UPF2: variants seen among roughly 807,000 people sequenced by gnomAD.
UPF2 encodes the protein regulator of nonsense transcripts 2.
Under a neutral mutation model 141.4 loss-of-function variants are expected in UPF2, and 17 were observed. The ratio of observed to expected loss-of-function variants is 0.12; its 90% CI spans 0.08 to 0.18. The LOEUF is 0.18. UPF2 is among the 10% of genes least tolerant of loss of function. UPF2 has a pLI of 1.00. For synonymous variants in UPF2, 540 were observed against 498.0 expected (o/e 1.08, Z -1.12); for missense variants, 1,152 against 1,515.9 (o/e 0.76, Z 3.99).
At chr10:11,972,815 G>C (rs1270368914) in intron 9 of UPF2, among the ~76,000 whole-genome samples, 2 of 152,262 alleles carry the variant, frequency 1.3e-5, no homozygotes, top group Admixed American at 1.3e-4. Flanking sequence ...CCAAGTCTTT[G>C]CTTTTGTGAA....
At chr10:12,017,309 G>A (rs1000941704) in intron 3 of UPF2, among the ~76,000 whole-genome samples, 2 of 152,040 alleles carry the variant, frequency 1.3e-5, no homozygotes, top group Non-Finnish European at 2.9e-5. Context: ...CTGACATTTT[G>A]GTCATCCAAA....
chr10:12,032,095 A>G (rs1834534077), intron 2 of UPF2, among the ~76,000 whole-genome samples: 1 of 152,104 alleles, frequency 6.6e-6, no homozygotes, highest in South Asian at 2.1e-4. Flanking sequence ...GGAGTTCGAG[A>G]TCAGCCTGAC....
intron 3 of UPF2, among the ~76,000 whole-genome samples, chr10:12,020,407 A>G (rs922645314): frequency 1.3e-5 from 2 of 151,996 alleles, no homozygotes; most frequent in Non-Finnish European, 2.9e-5. Flanking sequence ...ATGCGCCACT[A>G]CGCCCGGCTA....
intron 5 of UPF2, among the ~76,000 whole-genome samples, chr10:12,002,092 G>A (rs908386490): frequency 4.6e-5 from 7 of 152,134 alleles, no homozygotes; most frequent in African/African-American, 1.7e-4. Flanking sequence ...CCAACATGGT[G>A]AAACCCCATC....
intron 2 of UPF2, among the ~76,000 whole-genome samples, chr10:12,034,698 G>A (rs1441532573): frequency 3.3e-5 from 5 of 152,058 alleles, no homozygotes; most frequent in Middle Eastern, 3.4e-3. Flanking sequence ...CCAGCTACTC[G>A]GGAGGCTGAG....
intron 19 of UPF2, among the ~76,000 whole-genome samples, chr10:11,934,268 A>G (rs1359474057): frequency 6.6e-6 from 1 of 152,218 alleles, no homozygotes; most frequent in African/African-American, 2.4e-5. Flanking sequence ...TGCTCTGAGG[A>G]CAGCAGTCTT....
intron 14 of UPF2, among the ~76,000 whole-genome samples, chr10:11,954,447 A>T (rs1429573792): frequency 1.3e-5 from 2 of 151,834 alleles, no homozygotes; most frequent in Non-Finnish European, 2.9e-5. Flanking sequence ...CAGCCTAACC[A>T]ACATGGTGAA....
chr10:11,998,886 G>A lies in UPF2; in HGVS notation c.1758+1020C>T, dbSNP rs183045335. On this transcript the variant is annotated intron_variant, in intron 7 of 21. Coordinates refer to ENST00000357604, the MANE Select transcript of UPF2 (RefSeq NM_015542.4). The surrounding 1 kb of genome is among the most constrained non-coding windows in gnomAD (Gnocchi z 4.5). ...TAAAAAATAAAAAGATTAGCTGGGC[G>A]TGGTGGTGCACGCCTGTAGTCCCAG... Among the ~76,000 whole-genome samples, 2 of 151,224 alleles carry A rather than the reference G, an allele frequency of 1.3e-5. No homozygotes were observed. The highest frequency in any genetic ancestry group is 3.0e-5 in the Non-Finnish European group (2 of 67,776).
intron 5 of UPF2, among the ~76,000 whole-genome samples, chr10:12,003,113 T>G (rs778589592): frequency 6.6e-6 from 1 of 152,164 alleles, no homozygotes; most frequent in Non-Finnish European, 1.5e-5. Context: ...TCATTCTACT[T>G]TTATTGAATT....
chr10:11,947,531 C>T (rs1452844447), intron 16 of UPF2, among the ~76,000 whole-genome samples: 1 of 152,022 alleles, frequency 6.6e-6, no homozygotes, highest in African/African-American at 2.4e-5. Context: ...CCCATAATCC[C>T]AGCTCTTTGA....
intron 18 of UPF2, among the ~76,000 whole-genome samples, chr10:11,938,866 T>TTTTTTTTTGTTTG (rs1832895449): frequency 1.1e-5 from 1 of 88,652 alleles, no homozygotes; most frequent in Non-Finnish European, 2.3e-5. Flanking sequence ...TTTTTTTTTT[T>TTTTTTTTTGTTTG]TTTTTTTTTT....
At chr10:11,930,818 T>G (rs1196753750) in intron 20 of UPF2, among the ~76,000 whole-genome samples, 1 of 152,114 alleles carries the variant, frequency 6.6e-6, no homozygotes, top group Non-Finnish European at 1.5e-5. Context: ...GAGAGAACAT[T>G]CTACAAGTGA....
At chr10:11,932,383 G>A (rs113484082) in intron 19 of UPF2, among the ~76,000 whole-genome samples, 9,164 of 151,970 alleles carry the variant, frequency 0.06, 340 homozygotes, top group Non-Finnish European at 0.086. Flanking sequence ...AGAAAATTTC[G>A]TAATGTGATC....
chr10:11,941,224 C>T (rs868433136), intron 18 of UPF2, among the ~76,000 whole-genome samples: 2 of 152,198 alleles, frequency 1.3e-5, no homozygotes, highest in African/African-American at 4.8e-5. Context: ...AAATGAGTGG[C>T]TGAGTAAATG....
At chr10:11,930,727 T>C (rs59132374) in intron 20 of UPF2, among the ~76,000 whole-genome samples, 336 of 152,234 alleles carry the variant, frequency 2.2e-3, no homozygotes, top group African/African-American at 7.6e-3. Flanking sequence ...GCTGCAGTGA[T>C]TGCGCCACTG....
chr10:12,007,514 T>C (rs1033415453), intron 4 of UPF2, among the ~76,000 whole-genome samples: 1 of 152,056 alleles, frequency 6.6e-6, no homozygotes, highest in Non-Finnish European at 1.5e-5. Flanking sequence ...AGAGGAGTGA[T>C]AGTTGCAATG....
intron 4 of UPF2, among the ~76,000 whole-genome samples, chr10:12,013,269 C>A (rs1365409699): frequency 6.6e-6 from 1 of 150,918 alleles, no homozygotes; most frequent in African/African-American, 2.4e-5. Context: ...AAATACTTCA[C>A]CCCTAAAATT....
chr10:11,967,481 G>T, intron 9 of UPF2, 27 bp from the exon 10 acceptor site: 1 of 1,329,718 alleles, frequency 7.5e-7, no homozygotes, highest in Non-Finnish European at 1.0e-6. Flanking sequence ...AAAAGATAAT[G>T]CTTAATCAAC....
At chr10:11,999,788 T>C in intron 7 of UPF2, 118 bp downstream of exon 7, 1 of 817,900 alleles carries the variant, frequency 1.2e-6, no homozygotes, top group Non-Finnish European at 2.0e-6. Context: ...TCTAAGACTT[T>C]ATTTGAAGAA....
Sources: gnomAD v4.1 joint callset for allele counts (sites outside exome capture counted in the v4.1 genomes callset) on GRCh38, gnomAD v4.1.1 for gene constraint, Gnocchi (gnomAD v3.1) non-coding constraint, MANE v1.5 for transcripts, NCBI Gene and HGNC (gene_info 2026-07-23, HGNC 2026-07-21) for gene names.